The following HEATR1 variants were observed in gnomAD, a reference collection of about 807,000 sequenced individuals.
HEATR1 encodes HEAT repeat containing 1, also known as HEAT repeat-containing protein 1.
Under a neutral mutation model 248.2 loss-of-function variants are expected in HEATR1, and 77 were observed. The ratio of observed to expected loss-of-function variants is 0.31; its 90% CI spans 0.26 to 0.37. HEATR1 has a LOEUF of 0.37. HEATR1 is among the 10% of genes least tolerant of loss of function. The probability of loss-of-function intolerance (pLI) is 1.00; values close to 1 mark genes in which losing one functional copy is unlikely to be tolerated. For missense variants in HEATR1, 2,420 were observed against 2,504.9 expected, an observed-to-expected ratio of 0.97 and a Z score of 0.72; for synonymous variants, 897 against 923.1, an observed-to-expected ratio of 0.97 and a Z score of 0.51.
intron 4 of HEATR1, 80 bp downstream of exon 4, chr1:236,599,403 C>G: frequency 8.3e-7 from 1 of 1,207,992 alleles, no homozygotes. Flanking sequence ...TCCCCAGGAG[C>G]AATGACTTAT....
intron 19 of HEATR1, 138 bp downstream of exon 19, chr1:236,582,598 T>C (rs573993176): frequency 3.7e-6 from 3 of 805,386 alleles, no homozygotes. Context: ...AAATGGAGTT[T>C]CACTATGTTG....
chr1:236,597,754 A>G (rs1242802048), intron 5 of HEATR1, 124 bp downstream of exon 5: 1 of 604,818 alleles, frequency 1.7e-6, no homozygotes, highest in Admixed American at 3.3e-5. Context: ...AAAACACCAG[A>G]CCATTTAACA....
At chr1:236,597,609 C>T (rs1039810392) in intron 5 of HEATR1, among the ~76,000 whole-genome samples, 1 of 151,736 alleles carries the variant, frequency 6.6e-6, no homozygotes, top group African/African-American at 2.4e-5. Flanking sequence ...TCTAGACACT[C>T]TCTTTGAATA....
At chr1:236,551,171 G>A (rs1662724268) in intron 44 of HEATR1, 181 bp from the exon 45 acceptor site, 10 of 552,892 alleles carry the variant, frequency 1.8e-5, no homozygotes, top group East Asian at 1.5e-4. Flanking sequence ...CGCTCCTTCC[G>A]CCTTCATTCC....
intron 24 of HEATR1, 65 bp downstream of exon 24, chr1:236,574,137 C>A: frequency 7.1e-7 from 1 of 1,412,432 alleles, no homozygotes; most frequent in South Asian, 1.5e-5. Flanking sequence ...GACTCTTAAA[C>A]ATGGTGTCCC....
chr1:236,576,677 T>G, intron 21 of HEATR1, 103 bp downstream of exon 21: 2 of 1,068,996 alleles, frequency 1.9e-6, no homozygotes, highest in Admixed American at 2.5e-5. Context: ...TCCAATGACT[T>G]AGTCCATCAA....
intron 24 of HEATR1, among the ~76,000 whole-genome samples, chr1:236,573,536 A>ACT (rs1558183851): frequency 1.3e-5 from 2 of 150,720 alleles, no homozygotes; most frequent in African/African-American, 4.9e-5. Context: ...CCAAGGAATT[A>ACT]TTTTTTTTTT....
chr1:236,561,128 G>A, intron 33 of HEATR1, 97 bp downstream of exon 33: 1 of 887,710 alleles, frequency 1.1e-6, no homozygotes, highest in Non-Finnish European at 1.8e-6. Flanking sequence ...GAACCTGGTT[G>A]TAAAGAGTAT....
chr1:236,561,422 C>A, intron 32 of HEATR1, 151 bp from the exon 33 acceptor site: 1 of 667,352 alleles, frequency 1.5e-6, no homozygotes, highest in Non-Finnish European at 2.7e-6. Flanking sequence ...ATATCATCTT[C>A]ATTATACTGT....
At chr1:236,591,705 G>T (rs1285551660) in intron 11 of HEATR1, among the ~76,000 whole-genome samples, 1 of 151,236 alleles carries the variant, frequency 6.6e-6, no homozygotes, top group Admixed American at 6.6e-5. Context: ...ACCTACATGA[G>T]GCCGTCCTCT....
In HEATR1 at chr1:236,595,573, G is replaced by C; in HGVS notation, c.1057C>G (p.His353Asp). ...TGATGAATGATGGAGACGACCAGAT[G>C]GGGAAGCATGTAATGCAGAAGAGGA... ...VSPLLHYMLP[H>D]LVVSIIHHVT... Residue 353 changes from histidine to aspartate, a missense_variant, in exon 8 of 45, where the codon CAT becomes GAT. Coordinates refer to ENST00000366582, the MANE Select transcript of HEATR1 (RefSeq NM_018072.6). The C allele has an allele frequency of 6.2e-7, 1 of 1,612,208 alleles. No homozygotes were observed. The highest frequency in any genetic ancestry group is 1.1e-5 in the South Asian group (1 of 90,906).
rs761994088 is a variant in HEATR1, at chr1:236,595,650, A to C, written c.980T>G (p.Val327Gly). 2 of 1,612,216 alleles carry C rather than the reference A, an allele frequency of 1.2e-6. No individual in the cohort carries two copies. Among genetic ancestry groups the C allele is most frequent in the Non-Finnish European group, 1.7e-6 (2 of 1,178,414 alleles). ...ATGAAGTATTGTAATAAGATCAGGA[A>C]CATTACATAAGTGAGGGAATGGCCT... Reference protein sequence around the residue: ...GKKPFPHLCNVPDLITILHGI... With the variant: ...GKKPFPHLCNGPDLITILHGI... The change falls in exon 8 of 45, where the codon GTT becomes GGT. Residue 327 changes from valine to glycine, a missense_variant. Physicochemically the swap from Val to Gly is moderately radical, Grantham distance 109. Coordinates refer to ENST00000366582, the MANE Select transcript of HEATR1 (RefSeq NM_018072.6).
intron 3 of HEATR1, among the ~76,000 whole-genome samples, chr1:236,601,711 C>T (rs1049993347): frequency 1.3e-5 from 2 of 151,984 alleles, no homozygotes; most frequent in African/African-American, 4.8e-5. Flanking sequence ...GTGGTGCATG[C>T]CTGTAATCCC....
chr1:236,559,925 A>G (rs1663079502), intron 33 of HEATR1, 88 bp from the exon 34 acceptor site: 5 of 1,329,764 alleles, frequency 3.8e-6, no homozygotes, highest in Non-Finnish European at 5.1e-6. Context: ...TGTTTCAAGT[A>G]GAAAGACGAG....
chr1:236,589,622 T>G (rs1663980036), intron 12 of HEATR1, among the ~76,000 whole-genome samples: 1 of 152,228 alleles, frequency 6.6e-6, no homozygotes, highest in African/African-American at 2.4e-5. Context: ...TCATATGATT[T>G]TACTTGTAGT....
chr1:236,573,428 C>A (rs761882082), intron 24 of HEATR1, among the ~76,000 whole-genome samples: 15 of 152,102 alleles, frequency 9.9e-5, no homozygotes, highest in Non-Finnish European at 2.1e-4. Context: ...TCTAACATCA[C>A]AACTAAATCT....
chr1:236,573,264 T>A (rs2799428), intron 24 of HEATR1, among the ~76,000 whole-genome samples: 86,440 of 151,978 alleles, frequency 0.57, 26,463 homozygotes, highest in Non-Finnish European at 0.69. Context: ...TACAGAATCA[T>A]CCATACCGAT....
intron 21 of HEATR1, 143 bp downstream of exon 21, chr1:236,576,634 AGAT>A: frequency 1.4e-6 from 1 of 726,274 alleles, no homozygotes. Context: ...AGGGGGACAC[AGAT>A]GTACAGATAT....
At chr1:236,582,898 AT>A (rs774198703) in intron 18 of HEATR1, 26 bp from the exon 19 acceptor site, 13 of 1,612,336 alleles carry the variant, frequency 8.1e-6, no homozygotes, top group Non-Finnish European at 1.0e-5. Context: ...AAGAGAAATG[AT>A]GCTAGATCCT....
Sources: allele counts gnomAD v4.1 joint callset (sites outside exome capture counted in the v4.1 genomes callset), GRCh38; gene constraint gnomAD v4.1.1; transcripts MANE v1.5; gene names NCBI Gene and HGNC (gene_info 2026-07-23, HGNC 2026-07-21).